Variants in RAPGEF2 observed in about 807,000 individuals in gnomAD.
RAPGEF2 encodes the protein Rap guanine nucleotide exchange factor 2.
Under a neutral mutation model 186.7 loss-of-function variants are expected in RAPGEF2, and 54 were observed. The ratio of observed to expected loss-of-function variants is 0.29; its 90% CI spans 0.23 to 0.36. RAPGEF2 has a LOEUF of 0.36. Ranked by LOEUF, RAPGEF2 falls within the 10% of genes least tolerant of loss-of-function variation. The probability of loss-of-function intolerance (pLI) is 1.00; values close to 1 mark genes in which losing one functional copy is unlikely to be tolerated. For synonymous variants in RAPGEF2, 712 were observed against 705.9 expected, an observed-to-expected ratio of 1.01 and a Z score of -0.14; for missense variants, 1,532 against 2,045.0, an observed-to-expected ratio of 0.75 and a Z score of 4.84.
Position 159,304,420 on chromosome 4 carries a change from G to C in RAPGEF2, c.622G>C (p.Gly208Arg). The change falls in exon 8 of 30, where the codon GGA becomes CGA. Residue 208 changes from glycine (G) to arginine (R), a missense_variant. This residue lies in a region of RAPGEF2 where 810 missense variants were observed against 1,210.5 expected (regional missense o/e 0.67). Transcript: ENST00000691494. ...QVTHVSSSHSGCSITSDSGSS... is the reference protein window; with the variant it reads ...QVTHVSSSHSRCSITSDSGSS... ...GACCCACGTTTCTTCTAGCCATTCAGGATGTAGTATCACTAGTGATTCTGG... is the reference window on the plus strand; with the variant it reads ...GACCCACGTTTCTTCTAGCCATTCACGATGTAGTATCACTAGTGATTCTGG... The C allele has an allele frequency of 6.2e-7, 1 of 1,603,054 alleles. No individual in the cohort carries two copies. Among genetic ancestry groups the C allele is most frequent in the East Asian group, 2.2e-5 (1 of 44,748 alleles).
At position 159,340,779 on chromosome 4, in the gene RAPGEF2, C is replaced by CCACACACA. The variant is rs10562531; in HGVS notation, c.2535-757_2535-750dup. ...AAAACAAAAAATACCACCACCATCA[C>CCACACACA]CACACACACACACACACACACACAC... On this transcript the variant is annotated intron_variant, in intron 19 of 29. Coordinates refer to ENST00000691494, the MANE Select transcript of RAPGEF2 (RefSeq NM_001394067.2). Among the ~76,000 whole-genome samples the CCACACACA allele has an allele frequency of 5.2e-3, 554 of 106,136 alleles. 30 individuals carry two copies. Among genetic ancestry groups the CCACACACA allele is most frequent in the African/African-American group, 0.02 (497 of 25,476 alleles). The allele number at this position is 106,136 out of a possible 152,430, so 69.6% of individuals were successfully genotyped here.
chr4:159,347,869 CT>C (rs921959014), intron 25 of RAPGEF2, among the ~76,000 whole-genome samples: 1 of 151,864 alleles, frequency 6.6e-6, no homozygotes, highest in Non-Finnish European at 1.5e-5. Flanking sequence ...TGTACACCTT[CT>C]TTTTTTTCTA....
At chr4:159,107,621 T>G (rs184613808) in intron 1 of RAPGEF2, among the ~76,000 whole-genome samples, 14 of 152,286 alleles carry the variant, frequency 9.2e-5, no homozygotes, top group Middle Eastern at 6.8e-3. Context: ...TACTTTTTTT[T>G]GGGCTATTAC....
At chr4:159,234,726 T>TG (rs1180611484) in intron 4 of RAPGEF2, among the ~76,000 whole-genome samples, 6 of 151,218 alleles carry the variant, frequency 4.0e-5, no homozygotes, top group Non-Finnish European at 7.4e-5. Context: ...CCTCCCAAAG[T>TG]GGGGGGATTA....
Position 159,355,878 on chromosome 4 carries a change from G to GCCCGCCC in RAPGEF2, c.4680_4681insGCCCCCC (p.Pro1561AlafsTer16). 1.4e-4 allele frequency: 218 copies of GCCCGCCC among 1,515,398 alleles called. No individual in the cohort carries two copies. The highest frequency in any genetic ancestry group is 2.0e-4 in the East Asian group (8 of 40,056). The allele number at this position is 1,515,398 out of a possible 1,614,324, so 93.9% of individuals were successfully genotyped here. Reference sequence around the variant, plus strand: ...CACGAAAGGAGGGCAGGTATCGAGAGCCCCCGCCCACCCCTCCCGGCTACA... The same window carrying GCCCGCCC: ...CACGAAAGGAGGGCAGGTATCGAGAGCCCGCCCCCCCCGCCCACCCCTCCCGGCTACA... On this transcript the variant is annotated frameshift_variant, in exon 29 of 30. Coordinates refer to ENST00000691494, the MANE Select transcript of RAPGEF2 (RefSeq NM_001394067.2). LOFTEE classifies it high-confidence loss of function.
chr4:159,355,001 T>G (rs1731761474), intron 28 of RAPGEF2, among the ~76,000 whole-genome samples: 1 of 152,210 alleles, frequency 6.6e-6, no homozygotes, highest in Non-Finnish European at 1.5e-5. Flanking sequence ...ATGTAAATAG[T>G]CATGGGTAGA....
In RAPGEF2 at chr4:159,253,938, G is replaced by T. The variant is rs183756997; in HGVS notation, c.543+10147G>T. 8.6e-4 allele frequency among the ~76,000 whole-genome samples: 130 copies of T among 151,786 alleles called. 4 individuals are homozygous for T. In the East Asian group the frequency reaches 0.018, roughly 21 times the overall value. On this transcript the variant is annotated intron_variant, in intron 7 of 29. Transcript: ENST00000691494. ...AGCCTGGGGAACAGAGCGAGACTCC[G>T]TCTCAAAAAAAAAGAAAATGTTTTT...
chr4:159,322,648 A>G (rs768046117), intron 10 of RAPGEF2, among the ~76,000 whole-genome samples, 165 bp downstream of exon 10: 3 of 152,198 alleles, frequency 2.0e-5, no homozygotes, highest in Admixed American at 2.0e-4. Flanking sequence ...GTATTAGTCC[A>G]TTTTCACACT....
At chr4:159,166,621 G>T (rs995845836) in intron 1 of RAPGEF2, among the ~76,000 whole-genome samples, 8 of 152,148 alleles carry the variant, frequency 5.3e-5, no homozygotes, top group Non-Finnish European at 7.3e-5. Flanking sequence ...CCTAGGGATT[G>T]TGGGGAGTAA....
intron 12 of RAPGEF2, 147 bp from the exon 13 acceptor site, chr4:159,330,187 C>CT: frequency 1.3e-6 from 1 of 796,676 alleles, no homozygotes; most frequent in East Asian, 2.7e-5. Context: ...AACTGTGTTA[C>CT]TATCCAATTC....
chr4:159,164,798 GC>G (rs1481495049), intron 1 of RAPGEF2, among the ~76,000 whole-genome samples: 2 of 152,198 alleles, frequency 1.3e-5, no homozygotes, highest in African/African-American at 4.8e-5. Flanking sequence ...AATAAATTTA[GC>G]CCAATATCAA....
At chr4:159,282,533 C>T in intron 7 of RAPGEF2, 1 of 389,540 alleles carries the variant, frequency 2.6e-6, no homozygotes, top group South Asian at 2.0e-5. Flanking sequence ...TTAGAGGAGA[C>T]ATCAGTTCAT....
chr4:159,188,176 G>T (rs1747744197), intron 2 of RAPGEF2, among the ~76,000 whole-genome samples: 1 of 152,082 alleles, frequency 6.6e-6, no homozygotes, highest in Non-Finnish European at 1.5e-5. Flanking sequence ...TTATTTAATT[G>T]CGTGCGGTTA....
chr4:159,227,858 A>G (rs1420139387), intron 4 of RAPGEF2, among the ~76,000 whole-genome samples: 1 of 152,094 alleles, frequency 6.6e-6, no homozygotes, highest in Non-Finnish European at 1.5e-5. Context: ...TTCCATGGTA[A>G]TCCCTCAGGC....
At chr4:159,235,499 T>C (rs1753158730) in intron 4 of RAPGEF2, among the ~76,000 whole-genome samples, 1 of 152,252 alleles carries the variant, frequency 6.6e-6, no homozygotes, top group Admixed American at 6.5e-5. Context: ...TCTTGTACTT[T>C]GTTCTTACTG....
rs1744496959 is a variant in RAPGEF2 at position 159,159,673 on chromosome 4, G to A, written c.70-26969G>A. ...AAAAATTATTCATACACATATTACA[G>A]CAAATTAAATTTTAGTGACTTTTTC... On this transcript the variant is annotated intron_variant, in intron 1 of 29. Transcript: ENST00000691494. 2.6e-5 allele frequency among the ~76,000 whole-genome samples: 4 copies of A among 152,142 alleles called. No individual in the cohort carries two copies. In the South Asian group the frequency reaches 8.3e-4, roughly 31 times the overall value.
intron 7 of RAPGEF2, among the ~76,000 whole-genome samples, chr4:159,251,938 G>A (rs1468637423): frequency 1.3e-5 from 2 of 151,914 alleles, no homozygotes; most frequent in African/African-American, 2.4e-5. Context: ...CTTTAAGAGC[G>A]GTAACACTCA....
At chr4:159,198,344 C>A (rs1749023900) in intron 3 of RAPGEF2, among the ~76,000 whole-genome samples, 1 of 108,522 alleles carries the variant, frequency 9.2e-6, no homozygotes, top group Non-Finnish European at 1.9e-5. Context: ...CTTTTTCTTT[C>A]TCTCTCTTTC....
intron 4 of RAPGEF2, among the ~76,000 whole-genome samples, chr4:159,236,939 A>G (rs913117978): frequency 6.6e-5 from 10 of 152,230 alleles, no homozygotes; most frequent in African/African-American, 2.2e-4. Flanking sequence ...TTGTGTGGGC[A>G]TATATGTGTG....
Sources: gnomAD v4.1 joint callset for allele counts (sites outside exome capture counted in the v4.1 genomes callset) on GRCh38, gnomAD v4.1.1 for gene constraint, gnomAD v4.1.1 regional missense constraint, MANE v1.5 for transcripts, NCBI Gene and HGNC (gene_info 2026-07-23, HGNC 2026-07-21) for gene names.